The following NAV3 variants were observed in gnomAD, a reference collection of about 807,000 sequenced individuals.
NAV3 encodes the protein pore membrane and/or filament interacting like protein 1.
Under a neutral mutation model 244.7 loss-of-function variants are expected in NAV3, and 87 were observed. The ratio of observed to expected loss-of-function variants is 0.36; its 90% CI spans 0.30 to 0.42. The LOEUF (loss-of-function observed/expected upper bound fraction) is 0.42. Ranked by LOEUF, NAV3 falls within the 20% of genes least tolerant of loss-of-function variation. The pLI, the probability that NAV3 is intolerant of heterozygous loss-of-function variation, is 1.00. For synonymous variants in NAV3, 1,126 were observed against 1,042.2 expected, an observed-to-expected ratio of 1.08 and a Z score of -1.55; for missense variants, 2,663 against 2,893.3, an observed-to-expected ratio of 0.92 and a Z score of 1.83.
intron 2 of NAV3, among the ~76,000 whole-genome samples, chr12:77,663,937 G>A (rs535051004): frequency 1.3e-5 from 2 of 152,250 alleles, no homozygotes; most frequent in Admixed American, 6.5e-5. Context: ...AGTCCCTGGC[G>A]TATAATAAGC....
intron 2 of NAV3, among the ~76,000 whole-genome samples, chr12:77,717,532 A>C (rs969111598): frequency 1.3e-5 from 2 of 152,144 alleles, no homozygotes; most frequent in African/African-American, 4.8e-5. Context: ...ATCAGTGGAC[A>C]TTTATGTTGT....
upstream of NAV3, among the ~76,000 whole-genome samples, chr12:77,826,959 C>T (rs902088629): frequency 4.6e-5 from 7 of 152,114 alleles, no homozygotes; most frequent in Admixed American, 1.3e-4. Context: ...CAGTGGTTCA[C>T]GCTTGTAATC....
chr12:77,636,372 A>C (rs572865643), intron 2 of NAV3, among the ~76,000 whole-genome samples: 1 of 151,716 alleles, frequency 6.6e-6, no homozygotes, highest in East Asian at 2.0e-4. Context: ...AGGCTGAGGC[A>C]GGAGAATGAC....
intron 18 of NAV3, among the ~76,000 whole-genome samples, chr12:78,136,038 A>C (rs1463916047): frequency 6.6e-6 from 1 of 152,126 alleles, no homozygotes. Context: ...AATGTGAGAT[A>C]CTTCTCTCCG....
intron 9 of NAV3, among the ~76,000 whole-genome samples, chr12:78,022,729 C>T (rs1877364608): frequency 6.6e-6 from 1 of 152,112 alleles, no homozygotes; most frequent in Admixed American, 6.6e-5. Flanking sequence ...GCGACTCTAT[C>T]ACAAATTTGG....
intron 12 of NAV3, among the ~76,000 whole-genome samples, chr12:78,068,030 C>T (rs181056680): frequency 2.2e-3 from 337 of 151,538 alleles, no homozygotes; most frequent in Admixed American, 4.7e-3. Context: ...AGGAGGAGAA[C>T]GAAGAGGAGG....
intron 2 of NAV3, among the ~76,000 whole-genome samples, chr12:77,581,244 T>C (rs1869351790): frequency 1.3e-5 from 2 of 152,220 alleles, no homozygotes; most frequent in Non-Finnish European, 1.5e-5. Context: ...CTTAAGTATT[T>C]TATATATTCA....
intron 2 of NAV3, among the ~76,000 whole-genome samples, chr12:77,680,334 G>C (rs1874395247): frequency 6.6e-6 from 1 of 152,090 alleles, no homozygotes. Flanking sequence ...ATATCTATTA[G>C]GGTAATGCTG....
intron 2 of NAV3, among the ~76,000 whole-genome samples, chr12:77,674,571 A>G (rs1241056093): frequency 6.6e-6 from 1 of 151,742 alleles, no homozygotes; most frequent in Non-Finnish European, 1.5e-5. Flanking sequence ...TATATTTTTT[A>G]TACAGATGGA....
At chr12:77,645,297 T>C (rs2136966745) in intron 2 of NAV3, among the ~76,000 whole-genome samples, 1 of 151,944 alleles carries the variant, frequency 6.6e-6, no homozygotes, top group African/African-American at 2.4e-5. Context: ...GCTAAAGGTA[T>C]CCATTGAGAA....
At chr12:77,884,579 C>T (rs143528603) in intron 1 of NAV3, among the ~76,000 whole-genome samples, 1 of 152,146 alleles carries the variant, frequency 6.6e-6, no homozygotes, top group Non-Finnish European at 1.5e-5. Context: ...AGCTACAGCA[C>T]AGAGAGAGCA....
intron 12 of NAV3, among the ~76,000 whole-genome samples, chr12:78,085,242 G>GTGAATTACC (rs1953570322): frequency 6.6e-6 from 1 of 152,238 alleles, no homozygotes; most frequent in South Asian, 2.1e-4. Context: ...TGGCACAGCT[G>GTGAATTACC]TGAATTACCT....
chr12:78,130,394 G>T, intron 18 of NAV3: 2 of 222,100 alleles, frequency 9.0e-6, no homozygotes, highest in East Asian at 1.1e-4. Flanking sequence ...AACAGAAAGT[G>T]AGTTTACTTT....
chr12:77,670,829 T>C (rs932425563), intron 2 of NAV3, among the ~76,000 whole-genome samples: 3 of 151,984 alleles, frequency 2.0e-5, no homozygotes, highest in African/African-American at 7.2e-5. Flanking sequence ...ACAGACAACA[T>C]TATACTGAAT....
chr12:77,585,004 G>C (rs1224161489), intron 2 of NAV3, among the ~76,000 whole-genome samples: 2 of 152,182 alleles, frequency 1.3e-5, no homozygotes, highest in Non-Finnish European at 2.9e-5. Flanking sequence ...TGAAAGTAGG[G>C]AGGGGCAGCC....
At chr12:78,105,008 T>C (rs181327235) in intron 12 of NAV3, among the ~76,000 whole-genome samples, 2 of 152,140 alleles carry the variant, frequency 1.3e-5, no homozygotes, top group South Asian at 2.1e-4. Flanking sequence ...TTGTTTAGGA[T>C]AGATTCCTAG....
At chr12:77,965,124 T>C (rs2137925803) in intron 3 of NAV3, among the ~76,000 whole-genome samples, 1 of 152,296 alleles carries the variant, frequency 6.6e-6, no homozygotes, top group African/African-American at 2.4e-5. Context: ...TCTTCTTTAT[T>C]GTAGAATCTA....
Position 78,122,055 on chromosome 12 carries a change from G to T in NAV3, c.3865G>T (p.Glu1289Ter), listed in dbSNP as rs2138684813. 6.2e-7 allele frequency: 1 copy of T among 1,614,182 alleles called. No homozygotes were observed. Residue 1289 changes from glutamate to a stop codon, truncating the protein, a stop_gained, in exon 16 of 40, where the codon GAG becomes TAG. Coordinates refer to ENST00000397909, the MANE Select transcript of NAV3 (RefSeq NM_001024383.2). LOFTEE classifies it high-confidence loss of function. ...CACATTAGCGCGGCAAGGCAGTCTG[G>T]AGTCACCGTCGTCCGGTACGGGCAG... ...STTLARQGSL[E>*]SPSSGTGSMG...
intron 2 of NAV3, among the ~76,000 whole-genome samples, chr12:77,588,902 C>G (rs2136707671): frequency 6.6e-6 from 1 of 152,252 alleles, no homozygotes; most frequent in African/African-American, 2.4e-5. Flanking sequence ...AGTGGGCTCT[C>G]TGCATACTGA....
Sources: allele counts gnomAD v4.1 joint callset (sites outside exome capture counted in the v4.1 genomes callset), GRCh38; gene constraint gnomAD v4.1.1; transcripts MANE v1.5; gene names NCBI Gene and HGNC (gene_info 2026-07-23, HGNC 2026-07-21).